ABCA12: variants seen among roughly 807,000 people sequenced by gnomAD.
ABCA12 encodes the protein ATP binding cassette subfamily A member 12.
In ABCA12, 156 loss-of-function variants were observed where a neutral mutation model predicts 293.5. That is an observed-to-expected ratio of 0.53 (90% confidence interval 0.47 to 0.61). The LOEUF (loss-of-function observed/expected upper bound fraction) is 0.61. ABCA12 is among the 20% of genes least tolerant of loss of function. ABCA12 has a pLI of 0.00. For missense variants in ABCA12, 2,797 were observed against 3,090.2 expected, an observed-to-expected ratio of 0.91 and a Z score of 2.25; for synonymous variants, 1,063 against 1,108.0, an observed-to-expected ratio of 0.96 and a Z score of 0.81.
Position 214,948,588 on chromosome 2 carries a change from G to T in ABCA12, c.7104+8C>A. ...TCAAATTAAGTAATTTTTCACACTT[G>T]TACTCACTTCTTTAATATCCTTTTC... is the stretch of plus-strand genomic sequence containing the variant. On this transcript the variant is annotated splice_region_variant and intron_variant, in intron 47 of 52. Coordinates refer to ENST00000272895, the MANE Select transcript of ABCA12 (RefSeq NM_173076.3). The T allele has an allele frequency of 6.2e-7, 1 of 1,613,712 alleles. No homozygotes were observed. The highest frequency in any genetic ancestry group is 8.5e-7 in the Non-Finnish European group (1 of 1,179,714).
At chr2:215,047,251 A>G (rs1701222635) in intron 6 of ABCA12, among the ~76,000 whole-genome samples, 1 of 152,210 alleles carries the variant, frequency 6.6e-6, no homozygotes, top group Non-Finnish European at 1.5e-5. Flanking sequence ...ATTTGTTTAA[A>G]GACTAATGTA....
rs535916665 is a variant in ABCA12, at chr2:215,050,752, C to T, written c.508-941G>A. ...TACTATAAGTGTTAGGCCTTCTAGT[C>T]ATTCATCCGTATCTCTCTTCTAACA... On this transcript the variant is annotated intron_variant, in intron 5 of 52. Coordinates refer to ENST00000272895, the MANE Select transcript of ABCA12 (RefSeq NM_173076.3). 9.4e-5 allele frequency: 92 copies of T among 979,064 alleles called. No individual in the cohort carries two copies. In the Admixed American group the frequency reaches 5.6e-3, roughly 60 times the overall value. The allele number at this position is 979,064 out of a possible 1,614,324, so 60.6% of individuals were successfully genotyped here.
At chr2:214,986,470 A>G (rs1365928261) in intron 28 of ABCA12, 72 bp downstream of exon 28, 3 of 1,349,784 alleles carry the variant, frequency 2.2e-6, no homozygotes, top group African/African-American at 1.5e-5. Context: ...AACATAGGTT[A>G]GTTTATTTTT....
intron 1 of ABCA12, among the ~76,000 whole-genome samples, chr2:215,116,589 TTAAA>T (rs1446085604): frequency 6.6e-6 from 1 of 152,018 alleles, no homozygotes; most frequent in Non-Finnish European, 1.5e-5. Context: ...ATATATTTAA[TTAAA>T]TAAACTAGGA....
rs1435602971 is a variant in ABCA12 at position 214,990,930 on chromosome 2, T to C, written c.3396A>G (p.Ile1132Met). 1 of 1,613,866 alleles carries C rather than the reference T, an allele frequency of 6.2e-7. No homozygotes were observed. Among genetic ancestry groups the C allele is most frequent in the South Asian group, 1.1e-5 (1 of 91,058 alleles). The change falls in exon 24 of 53, where the codon ATA becomes ATG. Residue 1132 changes from isoleucine (I) to methionine (M), a missense_variant. Ile to Met is a conservative substitution (Grantham distance 10, BLOSUM62 1). Transcript: ENST00000272895. Reference protein sequence around the residue: ...LLVTIVILIIILKFGNILPKT... With the variant: ...LLVTIVILIIMLKFGNILPKT... ...TAGGAAGAATATTGCCAAACTTGAG[T>C]ATAATGATGAGGATCACGATGGTAA...
intron 7 of ABCA12, chr2:215,042,411 T>C (rs1185136959): frequency 6.6e-6 from 1 of 151,964 alleles, no homozygotes; most frequent in African/African-American, 2.4e-5. Context: ...TACTTTTTTA[T>C]TTTATTTTAT....
At chr2:215,032,269 CT>C in intron 8 of ABCA12, 1 of 287,594 alleles carries the variant, frequency 3.5e-6, no homozygotes, top group Non-Finnish European at 5.5e-6. Context: ...CAATTTTAGT[CT>C]TATGGGTCAC....
chr2:214,976,029 G>C lies in ABCA12; in HGVS notation c.5137C>G (p.Leu1713Val). The C allele has an allele frequency of 6.8e-6, 11 of 1,613,962 alleles. No individual in the cohort carries two copies. Among genetic ancestry groups the C allele is most frequent in the Middle Eastern group, 1.7e-4 (1 of 6,050 alleles). Residue 1713 changes from leucine to valine, a missense_variant, in exon 34 of 53, where the codon CTG (leucine) becomes GTG (valine). Transcript: ENST00000272895. ...CCATCCAGCCTCTCTCCTCTTGTCA[G>C]GATTTTGTCTGATTAAGAAAAAGAG... Reference protein sequence around the residue: ...SNFTDRDDKILTRGERLDGFG... With the variant: ...SNFTDRDDKIVTRGERLDGFG...
chr2:215,091,049 G>C (rs771218102), intron 2 of ABCA12, among the ~76,000 whole-genome samples: 67 of 151,986 alleles, frequency 4.4e-4, no homozygotes, highest in Non-Finnish European at 9.0e-4. Flanking sequence ...CAAATGGTCT[G>C]AGGTGCCTGA....
chr2:215,035,385 A>G (rs1466585456), intron 8 of ABCA12, among the ~76,000 whole-genome samples: 1 of 152,114 alleles, frequency 6.6e-6, no homozygotes, highest in African/African-American at 2.4e-5. Context: ...AAGACTTGCC[A>G]AAAGCCAGAC....
intron 32 of ABCA12, 124 bp from the exon 33 acceptor site, chr2:214,978,590 C>T (rs1699575828): frequency 2.8e-5 from 35 of 1,252,890 alleles, no homozygotes; most frequent in Non-Finnish European, 3.9e-5. Flanking sequence ...CGTCTGACTT[C>T]AAGTGAATAT....
chr2:215,106,116 G>A (rs369280935), intron 2 of ABCA12, among the ~76,000 whole-genome samples: 1 of 152,168 alleles, frequency 6.6e-6, no homozygotes, highest in African/African-American at 2.4e-5. Context: ...AGCAGCAAGA[G>A]CAAGGCCAGA....
chr2:214,991,972 G>A (rs1699920940), intron 23 of ABCA12, among the ~76,000 whole-genome samples: 1 of 152,004 alleles, frequency 6.6e-6, no homozygotes, highest in Admixed American at 6.5e-5. Context: ...CATGGCACGT[G>A]TATACCTATG....
At chr2:215,102,859 G>A (rs1702386662) in intron 2 of ABCA12, among the ~76,000 whole-genome samples, 1 of 152,096 alleles carries the variant, frequency 6.6e-6, no homozygotes, top group African/African-American at 2.4e-5. Context: ...TTGGAGCTAA[G>A]GAAAAAGAAA....
intron 34 of ABCA12, 51 bp downstream of exon 34, chr2:214,975,734 C>T (rs1699499119): frequency 6.2e-7 from 1 of 1,611,912 alleles, no homozygotes; most frequent in South Asian, 1.1e-5. Flanking sequence ...TACAACCACA[C>T]TCCTGGAAGC....
intron 21 of ABCA12, 51 bp downstream of exon 21, chr2:215,001,507 G>A: frequency 1.2e-6 from 2 of 1,609,406 alleles, no homozygotes; most frequent in Non-Finnish European, 1.7e-6. Flanking sequence ...GAAAGAATTT[G>A]GCCAATTTTA....
intron 7 of ABCA12, chr2:215,039,177 C>T (rs1701047393): frequency 6.6e-6 from 1 of 152,040 alleles, no homozygotes; most frequent in Admixed American, 6.6e-5. Flanking sequence ...ACTGTCTTAA[C>T]TTTAACATTA....
At chr2:215,063,081 A>G (rs1701567818) in intron 3 of ABCA12, among the ~76,000 whole-genome samples, 1 of 151,988 alleles carries the variant, frequency 6.6e-6, no homozygotes. Context: ...CTAATTATTG[A>G]AACAACAAAA....
chr2:215,004,238 A>G lies in ABCA12; in HGVS notation c.2654T>C (p.Val885Ala). The change falls in exon 20 of 53, where the codon GTT becomes GCT. Residue 885 changes from valine (V) to alanine (A), a missense_variant. By Grantham distance (64) the Val-to-Ala change is moderately conservative (BLOSUM62 0). Transcript: ENST00000272895. The part of the protein sequence containing the change: ...FVKFSVGLDA[V>A]ELLKQIDELD... The stretch of plus-strand genomic sequence containing the variant: ...TTCATCTATCTGTTTCAATAGTTCA[A>G]CAGCATCGAGTCCCACGGAGAACTT... 6.2e-7 allele frequency: 1 copy of G among 1,614,028 alleles called. No individual in the cohort carries two copies. The highest frequency in any genetic ancestry group is 8.5e-7 in the Non-Finnish European group (1 of 1,179,978).
Sources: gnomAD v4.1 joint callset for allele counts (sites outside exome capture counted in the v4.1 genomes callset) on GRCh38, gnomAD v4.1.1 for gene constraint, MANE v1.5 for transcripts, NCBI Gene and HGNC (gene_info 2026-07-23, HGNC 2026-07-21) for gene names.